RNF43: variants seen among roughly 807,000 people sequenced by gnomAD.
RNF43 encodes E3 ubiquitin-protein ligase RNF43.
A neutral mutation model predicts 78.4 loss-of-function variants in RNF43; 37 were observed. That is an observed-to-expected ratio of 0.47 (90% CI 0.36 to 0.62). RNF43 has a LOEUF of 0.62. Among genes scored for constraint, RNF43 ranks in the 20% least tolerant of loss-of-function variants. The probability of loss-of-function intolerance (pLI) is 0.00; values close to 1 mark genes in which losing one functional copy is unlikely to be tolerated. For synonymous variants in RNF43, 347 were observed against 395.0 expected (o/e 0.88, Z 1.44); for missense variants, 774 against 1,007.9 (o/e 0.77, Z 3.14).
In RNF43 at chr17:58,360,199, G is replaced by A. The variant is rs2143439558; in HGVS notation, c.902C>T (p.Pro301Leu). The change falls in exon 8 of 10, where the codon CCC (proline) becomes CTC (leucine). Residue 301 changes from proline to leucine, a missense_variant. Transcript: ENST00000407977. The surrounding 1 kb of genome is among the most constrained non-coding windows in gnomAD (Gnocchi z 4.3). ...LHEFHRNCVD[P>L]WLHQHRTCPL... Reference sequence around the variant, plus strand: ...GCAAGTCCGATGCTGATGTAACCAGGGGTCCACACAGTTACGATGGAACTC... The same window carrying A: ...GCAAGTCCGATGCTGATGTAACCAGAGGTCCACACAGTTACGATGGAACTC... 1.2e-6 allele frequency: 2 copies of A among 1,614,112 alleles called. No homozygotes were observed. The highest frequency in any genetic ancestry group is 1.7e-6 in the Non-Finnish European group (2 of 1,180,024).
chr17:58,415,353 T>C lies in RNF43; in HGVS notation c.225A>G (p.Ile75Met). 1 of 1,614,250 alleles carries C rather than the reference T, an allele frequency of 6.2e-7. No individual in the cohort carries two copies. The highest frequency in any genetic ancestry group is 8.5e-7 in the Non-Finnish European group (1 of 1,180,028). Residue 75 changes from isoleucine to methionine, a missense_variant, in exon 2 of 10, where the codon ATA becomes ATG. Ile to Met is a conservative substitution (Grantham distance 10, BLOSUM62 1). Transcript: ENST00000407977. ...GCATTAATTTTCCTTCTGCTGGAGTTATTTCAGCAACACCAGCAAACACAC... is the reference window on the plus strand; with the variant it reads ...GCATTAATTTTCCTTCTGCTGGAGTCATTTCAGCAACACCAGCAAACACAC... The part of the protein sequence containing the change: ...LEGVFAGVAE[I>M]TPAEGKLMQS...
intron 2 of RNF43, among the ~76,000 whole-genome samples, chr17:58,402,188 A>T (rs1213098827): frequency 6.6e-6 from 1 of 152,196 alleles, no homozygotes. Context: ...GGCTCAGAGG[A>T]AGAGTGCTCA....
rs575109646 is a variant in RNF43 at position 58,376,660 on chromosome 17, A to G, written c.253-5627T>C. Among the ~76,000 whole-genome samples the G allele has an allele frequency of 2.0e-5, 3 of 152,302 alleles. No homozygotes were observed. The East Asian group carries it at 5.8e-4, about 29-fold the overall frequency. ...CTCTTGAGAAAACAGATGCAAATAC[A>G]TCTGTCTCCTTGGAATGCAAGGTCT... is the stretch of plus-strand genomic sequence containing the variant. On this transcript the variant is annotated intron_variant, in intron 2 of 9. Coordinates refer to ENST00000407977, the MANE Select transcript of RNF43 (RefSeq NM_017763.6).
At chr17:58,400,114 A>G (rs992633350) in intron 2 of RNF43, among the ~76,000 whole-genome samples, 1 of 152,214 alleles carries the variant, frequency 6.6e-6, no homozygotes, top group African/African-American at 2.4e-5. Context: ...GGTTACCAGT[A>G]CGGAACAGGC....
rs766209129 is a variant in RNF43 at position 58,358,425 on chromosome 17, A to C, written c.1351T>G (p.Cys451Gly). The stretch of plus-strand genomic sequence containing the variant: ...GCCAGGTACCCACTGCGTTCTGTGC[A>C]ATAGCTTTCTCCAGATCCACTGCTG... Reference protein sequence around the residue: ...PDSSGSGESYCTERSGYLADG... With the variant: ...PDSSGSGESYGTERSGYLADG... Residue 451 changes from cysteine (C) to glycine (G), a missense_variant, in exon 9 of 10, where the codon TGC becomes GGC. By Grantham distance (159) the Cys-to-Gly change is radical. Transcript: ENST00000407977. The surrounding 1 kb of genome is among the most constrained non-coding windows in gnomAD (Gnocchi z 6.2). 6.2e-7 allele frequency: 1 copy of C among 1,614,072 alleles called. No homozygotes were observed. The highest frequency in any genetic ancestry group is 1.7e-5 in the Admixed American group (1 of 60,020).
At chr17:58,401,614 T>C (rs1251837421) in intron 2 of RNF43, among the ~76,000 whole-genome samples, 2 of 152,232 alleles carry the variant, frequency 1.3e-5, no homozygotes, top group Non-Finnish European at 2.9e-5. Context: ...TTCCATACCC[T>C]GAAGATTGAC....
At chr17:58,364,800 C>T (rs755550975) in intron 3 of RNF43, among the ~76,000 whole-genome samples, 5 of 152,366 alleles carry the variant, frequency 3.3e-5, no homozygotes, top group African/African-American at 4.8e-5. Context: ...TACTCACAGG[C>T]TCAGCACTTT....
At chr17:58,390,367 A>G (rs567062030) in intron 2 of RNF43, among the ~76,000 whole-genome samples, 1 of 152,316 alleles carries the variant, frequency 6.6e-6, no homozygotes, top group African/African-American at 2.4e-5. Context: ...ATTTTTCTTT[A>G]GTTGAAGAAA....
chr17:58,410,715 A>G (rs1452333981), intron 2 of RNF43, among the ~76,000 whole-genome samples: 1 of 152,242 alleles, frequency 6.6e-6, no homozygotes, highest in African/African-American at 2.4e-5. Flanking sequence ...GTTACATTAT[A>G]AGGGAGATAC....
downstream of RNF43, chr17:58,353,397 G>C (rs183734566): frequency 9.9e-4 from 198 of 200,322 alleles, no homozygotes; most frequent in Non-Finnish European, 1.7e-3. Context: ...CTGAGTCACT[G>C]AAGTATGATA....
At chr17:58,353,460 G>C (rs1972609109), downstream of RNF43, 1 of 200,780 alleles carries the variant, frequency 5.0e-6, no homozygotes, top group African/African-American at 2.3e-5. Flanking sequence ...TAAGAATCCA[G>C]TCATGCTTTC....
chr17:58,362,659 A>C lies in RNF43; in HGVS notation c.583-11T>G. ...CACATCATAATCTGGCTGGGGAGTG[A>C]GCAGAGAGGGAAAGGGTCATACTTC... On this transcript the variant is annotated splice_polypyrimidine_tract_variant and intron_variant, in intron 5 of 9. Coordinates refer to ENST00000407977, the MANE Select transcript of RNF43 (RefSeq NM_017763.6). 1 of 1,598,712 alleles carries C rather than the reference A, an allele frequency of 6.3e-7. No homozygotes were observed. Among genetic ancestry groups the C allele is most frequent in the South Asian group, 1.1e-5 (1 of 89,670 alleles).
rs773979099 is a variant in RNF43, at chr17:58,363,506, A to G, written c.450+20T>C. ...CCTCCATCCAGCCCCCACCTTGAAC[A>G]CGCAAATGTCCCTGGGTACCTGCTC... On this transcript the variant is annotated intron_variant, in intron 4 of 9. Coordinates refer to ENST00000407977, the MANE Select transcript of RNF43 (RefSeq NM_017763.6). The G allele has an allele frequency of 5.6e-6, 9 of 1,610,816 alleles. No homozygotes were observed. Among genetic ancestry groups the G allele is most frequent in the Middle Eastern group, 3.3e-4 (2 of 6,072 alleles).
chr17:58,356,486 T>C (rs1184503958), intron 9 of RNF43, among the ~76,000 whole-genome samples: 2 of 152,302 alleles, frequency 1.3e-5, no homozygotes, highest in Middle Eastern at 3.4e-3. Context: ...ATGTTAAAGT[T>C]GAGAATTTAC....
chr17:58,368,537 A>T (rs961214326), intron 3 of RNF43, among the ~76,000 whole-genome samples: 1 of 150,456 alleles, frequency 6.6e-6, no homozygotes, highest in Non-Finnish European at 1.5e-5. Context: ...ACAGAGCGAG[A>T]CTCCATCTCG....
In RNF43 at chr17:58,412,080, T is replaced by C. The variant is rs1283434970; in HGVS notation, c.252+3246A>G. On this transcript the variant is annotated intron_variant, in intron 2 of 9. Transcript: ENST00000407977. ...CCTAGATTTTTGATGGCTATTAAAA[T>C]ACCAATCCAGAATAGCAGTGGAAGG... 2.0e-5 allele frequency among the ~76,000 whole-genome samples: 3 copies of C among 152,212 alleles called. No homozygotes were observed. In the East Asian group the frequency reaches 5.8e-4, roughly 29 times the overall value.
intron 2 of RNF43, among the ~76,000 whole-genome samples, chr17:58,385,041 C>T (rs920256428): frequency 1.3e-5 from 2 of 152,184 alleles, no homozygotes; most frequent in African/African-American, 4.8e-5. Flanking sequence ...AATAAATACG[C>T]GCTTCTTGAC....
intron 2 of RNF43, among the ~76,000 whole-genome samples, chr17:58,399,540 A>G (rs1973750992): frequency 6.6e-6 from 1 of 152,194 alleles, no homozygotes; most frequent in Non-Finnish European, 1.5e-5. Flanking sequence ...TCCCCTTCAC[A>G]ATCCTGAACT....
Position 58,358,720 on chromosome 17 carries a change from G to A in RNF43, c.1056C>T (p.His352=), listed in dbSNP as rs1197942517. The A allele has an allele frequency of 1.3e-6, 2 of 1,554,860 alleles. No individual in the cohort carries two copies. Among genetic ancestry groups the A allele is most frequent in the Admixed American group, 1.9e-5 (1 of 51,994 alleles). Residue 352 remains histidine (H), a synonymous_variant, in exon 9 of 10, where the codon CAC becomes CAT. Coordinates refer to ENST00000407977, the MANE Select transcript of RNF43 (RefSeq NM_017763.6). This position sits in a 1 kb window ranked among gnomAD's most constrained non-coding sequence, Gnocchi z 6.2. ...GGCCCAACAGGTAGGCAGCAGGGAG[G>A]TGGTAGTGGGCATGGCCGGGATGCT... The part of the protein sequence containing the change: ...IRQHPGHAHY[H]LPAAYLLGPS...
Sources: allele counts gnomAD v4.1 joint callset (sites outside exome capture counted in the v4.1 genomes callset), GRCh38; gene constraint gnomAD v4.1.1; non-coding constraint Gnocchi (gnomAD v3.1); transcripts MANE v1.5; gene names NCBI Gene and HGNC (gene_info 2026-07-23, HGNC 2026-07-21).